Variants in TRAPPC9 observed in about 807,000 individuals in gnomAD.
TRAPPC9 encodes trafficking protein particle complex subunit 9.
A neutral mutation model predicts 124.0 loss-of-function variants in TRAPPC9; 83 were observed. That is an observed-to-expected ratio of 0.67 (90% CI 0.56 to 0.80). The LOEUF is 0.80. TRAPPC9 is among the 30% of genes least tolerant of loss of function. The probability of loss-of-function intolerance (pLI) is 0.00; values close to 1 mark genes in which losing one functional copy is unlikely to be tolerated. For missense variants in TRAPPC9, 1,302 were observed against 1,508.3 expected (o/e 0.86, Z 2.27); for synonymous variants, 638 against 617.5 (o/e 1.03, Z -0.49).
At chr8:140,116,353 C>A (rs1285098367) in intron 17 of TRAPPC9, among the ~76,000 whole-genome samples, 2 of 152,096 alleles carry the variant, frequency 1.3e-5, no homozygotes, top group South Asian at 2.1e-4. Context: ...GAAATTCATA[C>A]CTAAAAGTAA....
At chr8:140,131,195 G>GTA (rs36091634) in intron 17 of TRAPPC9, among the ~76,000 whole-genome samples, 24,878 of 152,046 alleles carry the variant, frequency 0.16, 2,524 homozygotes, top group Admixed American at 0.25. Context: ...ATACACATCA[G>GTA]TATGCACGTC....
chr8:140,424,150 GTTTGTTTT>G (rs947175377), intron 5 of TRAPPC9, among the ~76,000 whole-genome samples: 3 of 151,106 alleles, frequency 2.0e-5, no homozygotes, highest in South Asian at 2.1e-4. Context: ...TTGTTTGTTT[GTTTGTTTT>G]TTTAAAAAAA....
intron 21 of TRAPPC9, among the ~76,000 whole-genome samples, chr8:139,783,883 A>G (rs919866669): frequency 6.6e-6 from 1 of 152,234 alleles, no homozygotes; most frequent in Non-Finnish European, 1.5e-5. Context: ...AAATAAAAAA[A>G]GAGAAACCAT....
chr8:139,976,194 G>GT (rs1430707481), intron 19 of TRAPPC9, among the ~76,000 whole-genome samples: 10 of 151,592 alleles, frequency 6.6e-5, no homozygotes, highest in African/African-American at 4.8e-5. Context: ...CCTGGCCAGG[G>GT]TTTTTTTTAA....
At chr8:140,280,976 T>C (rs1489461359) in intron 14 of TRAPPC9, among the ~76,000 whole-genome samples, 1 of 152,158 alleles carries the variant, frequency 6.6e-6, no homozygotes, top group Non-Finnish European at 1.5e-5. Context: ...TGTCCCTTCG[T>C]CCCTTCATTG....
chr8:139,895,279 A>G (rs1274761607), intron 20 of TRAPPC9, among the ~76,000 whole-genome samples: 5 of 152,206 alleles, frequency 3.3e-5, no homozygotes, highest in African/African-American at 4.8e-5. Flanking sequence ...CTGCAGCAGG[A>G]AAGAGGAGAG....
chr8:139,861,509 T>G (rs894909609), intron 21 of TRAPPC9, among the ~76,000 whole-genome samples: 1 of 152,202 alleles, frequency 6.6e-6, no homozygotes. Flanking sequence ...GTTGGGAAAG[T>G]TGTTTACTGA....
chr8:139,869,283 G>T (rs1314088543), intron 21 of TRAPPC9, among the ~76,000 whole-genome samples: 1 of 152,216 alleles, frequency 6.6e-6, no homozygotes, highest in Non-Finnish European at 1.5e-5. Flanking sequence ...GAAGGCAGGG[G>T]TGGTAGTTAT....
intron 6 of TRAPPC9, 150 bp from the exon 7 acceptor site, chr8:140,397,895 G>C (rs1048267390): frequency 1.0e-6 from 1 of 992,866 alleles, no homozygotes; most frequent in African/African-American, 1.6e-5. Flanking sequence ...GTTTGGTTCT[G>C]TGTCCCCACC....
chr8:140,072,442 C>T (rs1286498390), intron 17 of TRAPPC9, among the ~76,000 whole-genome samples: 6 of 151,490 alleles, frequency 4.0e-5, no homozygotes, highest in African/African-American at 1.2e-4. Flanking sequence ...CGCTTGAACG[C>T]GGGAGGCAGA....
chr8:140,160,603 C>G (rs2061731573), intron 17 of TRAPPC9, among the ~76,000 whole-genome samples: 1 of 141,788 alleles, frequency 7.1e-6, no homozygotes. Flanking sequence ...AATGAGAAGA[C>G]ATGGACACAG....
chr8:140,386,517 C>G (rs1259651168), intron 7 of TRAPPC9, among the ~76,000 whole-genome samples: 1 of 152,018 alleles, frequency 6.6e-6, no homozygotes, highest in African/African-American at 2.4e-5. Flanking sequence ...TCCTATACAC[C>G]AATAACAGAC....
intron 19 of TRAPPC9, among the ~76,000 whole-genome samples, chr8:139,917,716 T>A (rs1348861597): frequency 6.6e-6 from 1 of 152,162 alleles, no homozygotes; most frequent in African/African-American, 2.4e-5. Context: ...ATAAGGTCGC[T>A]TGCCCAAGGC....
chr8:139,984,673 C>T lies in TRAPPC9; in HGVS notation c.2810+4053G>A, dbSNP rs918638096. On this transcript the variant is annotated intron_variant, in intron 19 of 22. Transcript: ENST00000438773. The surrounding 1 kb of genome is among the most constrained non-coding windows in gnomAD (Gnocchi z 4.3). ...CCTGCACTGCTCTGCACAACCCCTC[C>T]ACGGAGGCCGAGTGTGCATCTGACC... Among the ~76,000 whole-genome samples the T allele has an allele frequency of 8.5e-5, 13 of 152,172 alleles. No individual in the cohort carries two copies. Among genetic ancestry groups the T allele is most frequent in the African/African-American group, 3.1e-4 (13 of 41,430 alleles).
chr8:139,908,587 C>T (rs1306235025), intron 20 of TRAPPC9: 2 of 152,220 alleles, frequency 1.3e-5, no homozygotes, highest in South Asian at 2.1e-4. Flanking sequence ...GCCTGAGACT[C>T]GGGGGTGAGC....
At chr8:140,038,466 T>C (rs1841053428) in intron 17 of TRAPPC9, among the ~76,000 whole-genome samples, 1 of 152,220 alleles carries the variant, frequency 6.6e-6, no homozygotes, top group Non-Finnish European at 1.5e-5. Flanking sequence ...CTATGTCCTG[T>C]GCATCACAGG....
intron 9 of TRAPPC9, among the ~76,000 whole-genome samples, chr8:140,331,470 A>C (rs1442050657): frequency 6.6e-6 from 1 of 152,206 alleles, no homozygotes; most frequent in East Asian, 1.9e-4. Context: ...GAAATAGATA[A>C]ATGAGATTAT....
chr8:140,125,094 G>A (rs1297707951), intron 17 of TRAPPC9, among the ~76,000 whole-genome samples: 2 of 152,180 alleles, frequency 1.3e-5, no homozygotes, highest in Non-Finnish European at 2.9e-5. Context: ...ACCTCCTCAC[G>A]GGGCTGCGAG....
intron 8 of TRAPPC9, among the ~76,000 whole-genome samples, chr8:140,363,513 ATTTATCAT>A (rs1257814223): frequency 6.6e-6 from 1 of 151,968 alleles, no homozygotes; most frequent in Non-Finnish European, 1.5e-5. Context: ...GCCAGCTGAC[ATTTATCAT>A]TTTTAATCTC....
Sources: gnomAD v4.1 joint callset for allele counts (sites outside exome capture counted in the v4.1 genomes callset) on GRCh38, gnomAD v4.1.1 for gene constraint, Gnocchi (gnomAD v3.1) non-coding constraint, MANE v1.5 for transcripts, NCBI Gene and HGNC (gene_info 2026-07-23, HGNC 2026-07-21) for gene names.